FBXL17: variants seen among roughly 807,000 people sequenced by gnomAD.
The protein encoded by FBXL17 is F-box/LRR-repeat protein 17.
FBXL17 carries 22 observed loss-of-function variants against 66.2 expected under a neutral mutation model. The observed-to-expected ratio is 0.33, with a 90% confidence interval of 0.24 to 0.47. The LOEUF is 0.47. FBXL17 is among the 20% of genes least tolerant of loss of function. The probability of loss-of-function intolerance (pLI) is 1.00; values close to 1 mark genes in which losing one functional copy is unlikely to be tolerated. For synonymous variants in FBXL17, 474 were observed against 400.5 expected, an observed-to-expected ratio of 1.18 and a Z score of -2.19; for missense variants, 878 against 948.2, an observed-to-expected ratio of 0.93 and a Z score of 0.97.
chr5:108,267,895 ATTTTG>A (rs1256351341), intron 4 of FBXL17, among the ~76,000 whole-genome samples: 1 of 152,034 alleles, frequency 6.6e-6, no homozygotes, highest in Non-Finnish European at 1.5e-5. Flanking sequence ...GTTCACGCCT[ATTTTG>A]TTTTAAATGT....
At chr5:108,143,726 G>GGA (rs755803567) in intron 6 of FBXL17, among the ~76,000 whole-genome samples, 7 of 107,528 alleles carry the variant, frequency 6.5e-5, no homozygotes, top group African/African-American at 2.5e-4. Context: ...GTTTTCATGG[G>GGA]AAAAAAAAAA....
chr5:108,286,389 A>G (rs1020913857), intron 4 of FBXL17, among the ~76,000 whole-genome samples: 41 of 152,154 alleles, frequency 2.7e-4, no homozygotes, highest in African/African-American at 8.9e-4. Context: ...TATCTAGAAA[A>G]CCCTGTAGCA....
intron 7 of FBXL17, among the ~76,000 whole-genome samples, chr5:107,948,979 C>G (rs1470371476): frequency 6.6e-6 from 1 of 152,128 alleles, no homozygotes; most frequent in African/African-American, 2.4e-5. Context: ...CTTCTCTCAA[C>G]CTTTGTCTTT....
chr5:108,166,317 C>T (rs1035012907), intron 6 of FBXL17, among the ~76,000 whole-genome samples: 8 of 152,312 alleles, frequency 5.3e-5, no homozygotes, highest in African/African-American at 1.9e-4. Flanking sequence ...TAAGCACCTG[C>T]CGGTGTCTTA....
chr5:107,897,017 T>G (rs1749407228), intron 7 of FBXL17, among the ~76,000 whole-genome samples: 1 of 152,062 alleles, frequency 6.6e-6, no homozygotes, highest in Non-Finnish European at 1.5e-5. Flanking sequence ...AAAAGGAAGA[T>G]GAAGGATCTA....
At chr5:108,118,979 T>C (rs1750371358) in intron 6 of FBXL17, among the ~76,000 whole-genome samples, 1 of 152,204 alleles carries the variant, frequency 6.6e-6, no homozygotes, top group Admixed American at 6.5e-5. Context: ...ATCCTTTACA[T>C]ATTTCCTTTT....
In FBXL17 at chr5:108,381,985, G is replaced by A. The variant is rs1750006691; in HGVS notation, c.-294C>T. On this transcript the variant is annotated 5_prime_UTR_variant, in exon 1 of 9. Coordinates refer to ENST00000542267, the MANE Select transcript of FBXL17 (RefSeq NM_001163315.3). ...AGCGAGCCTGCCGGCTAGGCGACCA[G>A]TCCGGGCCCGGCCAGCCGGCTCAGT... is the stretch of plus-strand genomic sequence containing the variant. The A allele has an allele frequency of 1.7e-6, 2 of 1,187,670 alleles. No individual in the cohort carries two copies. Among genetic ancestry groups the A allele is most frequent in the Admixed American group, 9.1e-5 (2 of 22,030 alleles). The allele number at this position is 1,187,670 out of a possible 1,614,324, so 73.6% of individuals were successfully genotyped here.
At chr5:108,209,916 T>C (rs536495196) in intron 5 of FBXL17, among the ~76,000 whole-genome samples, 3 of 152,208 alleles carry the variant, frequency 2.0e-5, no homozygotes, top group Non-Finnish European at 4.4e-5. Flanking sequence ...TCTGGTAGAA[T>C]GCTGCTGTGA....
At chr5:107,986,616 T>A (rs1753021287) in intron 7 of FBXL17, among the ~76,000 whole-genome samples, 1 of 151,710 alleles carries the variant, frequency 6.6e-6, no homozygotes, top group African/African-American at 2.4e-5. Context: ...CTAAATCACA[T>A]CACTTAAAAT....
intron 4 of FBXL17, among the ~76,000 whole-genome samples, chr5:108,231,280 C>T (rs1008752237): frequency 6.6e-6 from 1 of 152,142 alleles, no homozygotes; most frequent in African/African-American, 2.4e-5. Context: ...ACACTTTCAT[C>T]ACACCACCCA....
intron 7 of FBXL17, among the ~76,000 whole-genome samples, chr5:107,958,045 G>T (rs1382910768): frequency 3.3e-5 from 5 of 151,290 alleles, no homozygotes; most frequent in Admixed American, 2.0e-4. Context: ...GGTCTAAGTT[G>T]AAATAGTTCA....
intron 4 of FBXL17, among the ~76,000 whole-genome samples, chr5:108,227,776 A>T (rs1755160573): frequency 6.6e-6 from 1 of 152,224 alleles, no homozygotes; most frequent in African/African-American, 2.4e-5. Context: ...GATGCCATTG[A>T]TAAATTTAAA....
chr5:108,049,128 G>T (rs953683849), intron 6 of FBXL17, among the ~76,000 whole-genome samples: 8 of 151,962 alleles, frequency 5.3e-5, no homozygotes, highest in Non-Finnish European at 8.8e-5. Flanking sequence ...AGCCAGAAGA[G>T]ACTGGGGGCC....
At chr5:108,373,347 T>C (rs375789020) in intron 1 of FBXL17, among the ~76,000 whole-genome samples, 1,983 of 111,450 alleles carry the variant, frequency 0.018, 36 homozygotes, top group South Asian at 0.027. Flanking sequence ...CTAAATATAA[T>C]ATATCTAAAT....
intron 8 of FBXL17, chr5:107,879,247 T>C (rs773038233): frequency 3.0e-6 from 3 of 985,480 alleles, no homozygotes; most frequent in Non-Finnish European, 3.6e-6. Context: ...TGTATGAATG[T>C]GTACATTTTG....
At chr5:108,047,405 C>T (rs1046631774) in intron 6 of FBXL17, among the ~76,000 whole-genome samples, 11 of 152,186 alleles carry the variant, frequency 7.2e-5, no homozygotes, top group South Asian at 2.1e-4. Context: ...AGCTAGAATC[C>T]GCTTAAGCCT....
intron 6 of FBXL17, among the ~76,000 whole-genome samples, chr5:108,056,977 C>A (rs1747733073): frequency 6.6e-6 from 1 of 152,060 alleles, no homozygotes; most frequent in African/African-American, 2.4e-5. Flanking sequence ...GAGACATAGC[C>A]CAGTAATCTG....
intron 6 of FBXL17, among the ~76,000 whole-genome samples, chr5:108,141,183 C>G (rs1396487403): frequency 6.6e-6 from 1 of 152,128 alleles, no homozygotes; most frequent in Admixed American, 6.5e-5. Flanking sequence ...TTTGTCTGCC[C>G]AGGATGGATT....
chr5:108,196,225 A>G (rs973047582), intron 5 of FBXL17, among the ~76,000 whole-genome samples: 2 of 148,864 alleles, frequency 1.3e-5, no homozygotes, highest in Non-Finnish European at 2.9e-5. Context: ...AAAAAACAAA[A>G]CAAAACAAAC....
Sources: gnomAD v4.1 joint callset for allele counts (sites outside exome capture counted in the v4.1 genomes callset) on GRCh38, gnomAD v4.1.1 for gene constraint, MANE v1.5 for transcripts, NCBI Gene and HGNC (gene_info 2026-07-23, HGNC 2026-07-21) for gene names.